Variants in CPEB4 observed in about 807,000 individuals in gnomAD.
CPEB4 encodes cytoplasmic polyadenylation element-binding protein 4.
CPEB4 carries 12 observed loss-of-function variants against 72.5 expected under a neutral mutation model. That is an observed-to-expected ratio of 0.17 (90% CI 0.11 to 0.27). The LOEUF (loss-of-function observed/expected upper bound fraction) is 0.27, where lower values mean the gene tolerates loss of function less well. Ranked by LOEUF, CPEB4 falls within the 10% of genes least tolerant of loss-of-function variation. The pLI is 1.00. For missense variants in CPEB4, 614 were observed against 908.5 expected (o/e 0.68, Z 4.17); for synonymous variants, 302 against 326.3 (o/e 0.93, Z 0.80).
intron 1 of CPEB4, among the ~76,000 whole-genome samples, chr5:173,901,958 A>G (rs543168863): frequency 2.6e-4 from 39 of 152,254 alleles, no homozygotes; most frequent in Admixed American, 1.3e-3. Flanking sequence ...AGTGCTAGGG[A>G]GACATAAGGG....
chr5:173,924,243 T>C (rs1278293743), intron 2 of CPEB4, among the ~76,000 whole-genome samples: 1 of 152,178 alleles, frequency 6.6e-6, no homozygotes, highest in African/African-American at 2.4e-5. Context: ...TCCTCTCTGG[T>C]TTTATTGAAA....
chr5:173,898,984 A>C (rs1337148907), intron 1 of CPEB4, among the ~76,000 whole-genome samples: 1 of 152,228 alleles, frequency 6.6e-6, no homozygotes, highest in African/African-American at 2.4e-5. Context: ...ATTTTAAATA[A>C]ATAAAATACA....
At chr5:173,940,071 G>T (rs531594354) in intron 3 of CPEB4, among the ~76,000 whole-genome samples, 1 of 151,462 alleles carries the variant, frequency 6.6e-6, no homozygotes, top group South Asian at 2.1e-4. Flanking sequence ...TCGTGCCACC[G>T]CACTCCAGCC....
chr5:173,905,484 C>T (rs779950876), intron 1 of CPEB4, among the ~76,000 whole-genome samples: 1 of 152,082 alleles, frequency 6.6e-6, no homozygotes, highest in Non-Finnish European at 1.5e-5. Context: ...CAGGCACCTG[C>T]CACCACGCCC....
intron 3 of CPEB4, among the ~76,000 whole-genome samples, chr5:173,935,507 C>T (rs530485321): frequency 6.6e-6 from 1 of 152,190 alleles, no homozygotes; most frequent in Non-Finnish European, 1.5e-5. Flanking sequence ...TATAGCCACT[C>T]TGCTTTGTTT....
At chr5:173,943,681 G>A (rs1217778539) in intron 4 of CPEB4, among the ~76,000 whole-genome samples, 6 of 152,052 alleles carry the variant, frequency 3.9e-5, no homozygotes, top group East Asian at 1.9e-4. Context: ...AGATTTAAAG[G>A]ATAAGTGATT....
chr5:173,946,013 T>G (rs1268088066), intron 5 of CPEB4, among the ~76,000 whole-genome samples: 1 of 152,234 alleles, frequency 6.6e-6, no homozygotes, highest in Non-Finnish European at 1.5e-5. Context: ...TTATGGAGAA[T>G]AGAATAGATT....
At chr5:173,929,889 T>A (rs886280711) in intron 2 of CPEB4, among the ~76,000 whole-genome samples, 2 of 152,212 alleles carry the variant, frequency 1.3e-5, no homozygotes, top group African/African-American at 4.8e-5. Context: ...CTATATTGAT[T>A]TAGTCATTCT....
intron 1 of CPEB4, among the ~76,000 whole-genome samples, chr5:173,908,360 A>C (rs529089914): frequency 2.0e-4 from 30 of 152,288 alleles, no homozygotes; most frequent in African/African-American, 6.7e-4. Context: ...AGGGAGTCAT[A>C]CCAGTTTAGA....
chr5:173,950,772 T>C lies in CPEB4; in HGVS notation c.1665+694T>C, dbSNP rs1397497272. Among the ~76,000 whole-genome samples the C allele has an allele frequency of 1.3e-5, 2 of 152,214 alleles. No individual in the cohort carries two copies. The highest frequency in any genetic ancestry group is 2.9e-5 in the Non-Finnish European group (2 of 68,036). On this transcript the variant is annotated intron_variant, in intron 7 of 9. Transcript: ENST00000265085. The surrounding 1 kb of genome is among the most constrained non-coding windows in gnomAD (Gnocchi z 5.0). ...TTAATGAAGATTTTACCCAATATTA[T>C]CCTTAACTTTATATATGGTACTCTC...
intron 2 of CPEB4, chr5:173,910,866 T>A (rs1248813684): frequency 2.7e-6 from 1 of 365,804 alleles, no homozygotes; most frequent in East Asian, 4.6e-5. Context: ...AGACACCAAC[T>A]ACATACCTTA....
At chr5:173,941,635 G>T (rs963741464) in intron 3 of CPEB4, among the ~76,000 whole-genome samples, 2 of 150,088 alleles carry the variant, frequency 1.3e-5, no homozygotes, top group Non-Finnish European at 3.0e-5. Flanking sequence ...GACTTTGGGA[G>T]GCTGAGGTGG....
Position 173,905,639 on chromosome 5 carries a change from C to G in CPEB4, c.1126-4884C>G, listed in dbSNP as rs371257904. On this transcript the variant is annotated intron_variant, in intron 1 of 9. Transcript: ENST00000265085. ...CAGCTGTGATTGTCCTTTTAAGACT[C>G]TAAGTGATCATTTTCTTACTAATTG... 5.2e-4 allele frequency among the ~76,000 whole-genome samples: 79 copies of G among 152,240 alleles called. 1 individual carries two copies. Among genetic ancestry groups the G allele is most frequent in the Middle Eastern group, 6.8e-3 (2 of 294 alleles).
intron 3 of CPEB4, among the ~76,000 whole-genome samples, chr5:173,942,150 C>T (rs1334028422): frequency 6.6e-6 from 1 of 152,224 alleles, no homozygotes; most frequent in Non-Finnish European, 1.5e-5. Context: ...AGGCATGCTA[C>T]ACTGTTGTTT....
intron 3 of CPEB4, among the ~76,000 whole-genome samples, chr5:173,933,356 G>T (rs887266471): frequency 6.6e-6 from 1 of 152,184 alleles, no homozygotes; most frequent in Admixed American, 6.5e-5. Flanking sequence ...TGTTGTGAAT[G>T]AGGAGTTAAA....
chr5:173,889,693 T>A lies in CPEB4; in HGVS notation c.-41T>A. ...AAAAAAAAGGCGTGAGACATCAGGT[T>A]GTCATTTTTTATTGTGAGATTCTGC... On this transcript the variant is annotated 5_prime_UTR_variant, in exon 1 of 10. Coordinates refer to ENST00000265085, the MANE Select transcript of CPEB4 (RefSeq NM_030627.4). 6.6e-7 allele frequency: 1 copy of A among 1,505,038 alleles called. No individual in the cohort carries two copies. The highest frequency in any genetic ancestry group is 1.3e-5 in the South Asian group (1 of 75,824). 93.2% of individuals were successfully genotyped at this position (1,505,038 alleles called of 1,614,324 possible).
intron 2 of CPEB4, among the ~76,000 whole-genome samples, chr5:173,920,261 G>C (rs962131419): frequency 1.3e-5 from 2 of 152,142 alleles, no homozygotes; most frequent in Non-Finnish European, 2.9e-5. Context: ...AATCCAGTTG[G>C]GTTGATGCCA....
intron 3 of CPEB4, among the ~76,000 whole-genome samples, chr5:173,941,559 G>A (rs1161982582): frequency 6.6e-6 from 1 of 152,170 alleles, no homozygotes; most frequent in Non-Finnish European, 1.5e-5. Flanking sequence ...TTGTGAGTTT[G>A]TATAGTGATT....
chr5:173,938,369 G>A (rs1232398357), intron 3 of CPEB4, among the ~76,000 whole-genome samples: 1 of 152,118 alleles, frequency 6.6e-6, no homozygotes, highest in Admixed American at 6.5e-5. Flanking sequence ...GCGATTACAG[G>A]CATGTGCCAC....
Sources: allele counts gnomAD v4.1 joint callset (sites outside exome capture counted in the v4.1 genomes callset), GRCh38; gene constraint gnomAD v4.1.1; non-coding constraint Gnocchi (gnomAD v3.1); transcripts MANE v1.5; gene names NCBI Gene and HGNC (gene_info 2026-07-23, HGNC 2026-07-21).